Variants in CNST observed in about 807,000 individuals in gnomAD.
CNST encodes the protein consortin.
A neutral mutation model predicts 72.4 loss-of-function variants in CNST; 39 were observed. That is an observed-to-expected ratio of 0.54 (90% CI 0.42 to 0.70). CNST has a LOEUF of 0.70. Ranked by LOEUF, CNST falls within the 30% of genes least tolerant of loss-of-function variation. CNST has a pLI of 0.00. For synonymous variants in CNST, 332 were observed against 320.1 expected, an observed-to-expected ratio of 1.04 and a Z score of -0.40; for missense variants, 871 against 868.5, an observed-to-expected ratio of 1.00 and a Z score of -0.04.
At chr1:246,600,176 G>T (rs1202895782) in intron 2 of CNST, among the ~76,000 whole-genome samples, 1 of 152,204 alleles carries the variant, frequency 6.6e-6, no homozygotes, top group African/African-American at 2.4e-5. Context: ...CAAGAAGAGA[G>T]CATCCTACAT....
At chr1:246,631,034 C>T (rs1299823601) in intron 3 of CNST, among the ~76,000 whole-genome samples, 1 of 152,180 alleles carries the variant, frequency 6.6e-6, no homozygotes, top group Non-Finnish European at 1.5e-5. Flanking sequence ...GCGTGAGCCA[C>T]CATGCCCGGC....
chr1:246,659,419 C>T (rs1281449609), intron 9 of CNST, among the ~76,000 whole-genome samples: 1 of 152,082 alleles, frequency 6.6e-6, no homozygotes, highest in Non-Finnish European at 1.5e-5. Flanking sequence ...TCGGTGAAAC[C>T]CCGTCTCTAC....
intron 6 of CNST, among the ~76,000 whole-genome samples, chr1:246,639,968 GC>G (rs757029231): frequency 6.6e-6 from 1 of 152,200 alleles, no homozygotes; most frequent in Non-Finnish European, 1.5e-5. Flanking sequence ...CTTCCGGCCA[GC>G]CCTCTTCCTG....
chr1:246,642,527 C>G (rs1439344058), intron 8 of CNST, among the ~76,000 whole-genome samples: 1 of 151,818 alleles, frequency 6.6e-6, no homozygotes, highest in African/African-American at 2.4e-5. Context: ...ATATGATATA[C>G]TTTAGTTTGT....
Position 246,667,394 on chromosome 1 carries a change from GT to G in CNST, c.*1493del, listed in dbSNP as rs1667432722. The G allele has an allele frequency of 6.6e-6, 1 of 151,996 alleles. No homozygotes were observed. Among genetic ancestry groups the G allele is most frequent in the Non-Finnish European group, 1.5e-5 (1 of 67,986 alleles). 9.4% of individuals were successfully genotyped at this position (151,996 alleles called of 1,614,324 possible). A position where few individuals can be genotyped will look rare whatever the true frequency, so the allele number is the denominator to read the frequency against. On this transcript the variant is annotated 3_prime_UTR_variant, in exon 11 of 11. Coordinates refer to ENST00000366513, the MANE Select transcript of CNST (RefSeq NM_152609.3). ...GATATTTAATTACTGTGTATTTAGT[GT>G]TTTGATTTTCTATAATTTCAGTTCC... is the stretch of plus-strand genomic sequence containing the variant.
rs12566422 is a variant in CNST at position 246,652,770 on chromosome 1, C to A, written c.1836+4733C>A. ...CTGTAATCCCAGCACTTTGGGAGGC[C>A]AAGGCGGGCGGATCACGAGGTCAGG... On this transcript the variant is annotated intron_variant, in intron 9 of 10. Coordinates refer to ENST00000366513, the MANE Select transcript of CNST (RefSeq NM_152609.3). Among the ~76,000 whole-genome samples the A allele has an allele frequency of 5.5e-5, 8 of 144,292 alleles. No homozygotes were observed. The South Asian group carries it at 1.4e-3, about 25-fold the overall frequency. 94.7% of individuals were successfully genotyped at this position (144,292 alleles called of 152,430 possible). A position where few individuals can be genotyped will look rare whatever the true frequency, so the allele number is the denominator to read the frequency against.
At chr1:246,631,144 A>C (rs762759645) in intron 3 of CNST, among the ~76,000 whole-genome samples, 10 of 152,350 alleles carry the variant, frequency 6.6e-5, no homozygotes, top group Middle Eastern at 3.4e-3. Context: ...TAAAGATCTA[A>C]AAATATCCCA....
chr1:246,577,209 C>A (rs768670493), intron 1 of CNST, among the ~76,000 whole-genome samples: 47 of 152,098 alleles, frequency 3.1e-4, no homozygotes, highest in Admixed American at 5.2e-4. Flanking sequence ...AGAACTGATA[C>A]TTCTCATGAA....
At chr1:246,643,625 A>T (rs1039501357) in intron 8 of CNST, among the ~76,000 whole-genome samples, 1 of 152,280 alleles carries the variant, frequency 6.6e-6, no homozygotes, top group South Asian at 2.1e-4. Flanking sequence ...TCCCATTTCT[A>T]ATTGAACGCA....
chr1:246,649,397 A>G (rs1486926932), intron 9 of CNST, among the ~76,000 whole-genome samples: 1 of 152,196 alleles, frequency 6.6e-6, no homozygotes, highest in Non-Finnish European at 1.5e-5. Flanking sequence ...ATTAGAGCTA[A>G]TGGTATAGCA....
chr1:246,582,849 C>T lies in CNST; in HGVS notation c.-51-8663C>T, dbSNP rs149152443. ...TCTCAGAGCTGGGTTACAATGTCCT[C>T]TTGTCCAGTGTTATCTGCTATATCA... On this transcript the variant is annotated intron_variant, in intron 1 of 10. Coordinates refer to ENST00000366513, the MANE Select transcript of CNST (RefSeq NM_152609.3). 2.1e-4 allele frequency among the ~76,000 whole-genome samples: 32 copies of T among 152,324 alleles called. No individual in the cohort carries two copies. In the East Asian group the frequency reaches 6.2e-3, roughly 29 times the overall value.
intron 6 of CNST, among the ~76,000 whole-genome samples, chr1:246,638,092 G>A (rs1665416434): frequency 6.6e-6 from 1 of 152,172 alleles, no homozygotes; most frequent in South Asian, 2.1e-4. Context: ...AGAATAGGGT[G>A]GAGAAGTTGC....
chr1:246,603,093 A>G (rs529882988), intron 2 of CNST, among the ~76,000 whole-genome samples: 1 of 152,324 alleles, frequency 6.6e-6, no homozygotes, highest in African/African-American at 2.4e-5. Flanking sequence ...TAAGAAATCA[A>G]AACTAAGAAA....
chr1:246,596,138 G>T (rs1043673802), intron 2 of CNST, among the ~76,000 whole-genome samples: 1 of 152,000 alleles, frequency 6.6e-6, no homozygotes, highest in Non-Finnish European at 1.5e-5. Flanking sequence ...ATTATAGGGC[G>T]GGTGCACTGG....
chr1:246,632,366 C>G, intron 4 of CNST: 1 of 269,838 alleles, frequency 3.7e-6, no homozygotes, highest in South Asian at 4.9e-5. Context: ...CTCGTCGTAT[C>G]TGTCGTTGTA....
chr1:246,604,647 A>AAG (rs1553374432), intron 2 of CNST, among the ~76,000 whole-genome samples: 1 of 150,766 alleles, frequency 6.6e-6, no homozygotes, highest in Non-Finnish European at 1.5e-5. Context: ...CAGGAGACGG[A>AAG]ATATATATAT....
intron 9 of CNST, among the ~76,000 whole-genome samples, chr1:246,652,860 C>T (rs1184810970): frequency 9.3e-5 from 14 of 150,546 alleles, no homozygotes; most frequent in Admixed American, 2.6e-4. Flanking sequence ...AAAAACTAGC[C>T]GGGCGTGGTG....
At chr1:246,576,203 C>G (rs1434400326) in intron 1 of CNST, among the ~76,000 whole-genome samples, 1 of 25,706 alleles carries the variant, frequency 3.9e-5, no homozygotes, top group Non-Finnish European at 8.3e-5. Flanking sequence ...CCATTGCACT[C>G]CAGCCTGGGC....
intron 10 of CNST, among the ~76,000 whole-genome samples, chr1:246,664,617 G>A (rs78862123): frequency 0.12 from 18,752 of 151,744 alleles, 1,591 homozygotes; most frequent in African/African-American, 0.23. Flanking sequence ...TAGTAGAGAC[G>A]GGGTTTCACC....
Sources: allele counts gnomAD v4.1 joint callset (sites outside exome capture counted in the v4.1 genomes callset), GRCh38; gene constraint gnomAD v4.1.1; transcripts MANE v1.5; gene names NCBI Gene and HGNC (gene_info 2026-07-23, HGNC 2026-07-21).